The following PIK3CD variants were observed in gnomAD, a reference collection of about 807,000 sequenced individuals.
PIK3CD encodes the protein phosphatidylinositol 4,5-bisphosphate 3-kinase catalytic subunit delta isoform.
PIK3CD carries 20 observed loss-of-function variants against 122.9 expected under a neutral mutation model. The observed-to-expected ratio is 0.16, with a 90% CI of 0.11 to 0.24. The LOEUF is 0.24. Ranked by LOEUF, PIK3CD falls within the 10% of genes least tolerant of loss-of-function variation. The pLI is 1.00. For synonymous variants in PIK3CD, 596 were observed against 593.4 expected (o/e 1.00, Z -0.06); for missense variants, 787 against 1,406.3 (o/e 0.56, Z 7.04).
intron 1 of PIK3CD, among the ~76,000 whole-genome samples, chr1:9,678,894 C>T (rs949076586): frequency 6.6e-6 from 1 of 152,114 alleles, no homozygotes; most frequent in African/African-American, 2.4e-5. Context: ...GACTTTCCTG[C>T]GTCTTTGGGT....
At chr1:9,663,261 G>A (rs1436258359) in intron 1 of PIK3CD, among the ~76,000 whole-genome samples, 4 of 152,204 alleles carry the variant, frequency 2.6e-5, no homozygotes, top group African/African-American at 9.6e-5. Flanking sequence ...TGCCAGCCAT[G>A]TTCAGGGCCT....
rs931114660 is a variant in PIK3CD at position 9,677,868 on chromosome 1, G to A, written c.-137-13599G>A. Among the ~76,000 whole-genome samples the A allele has an allele frequency of 3.3e-5, 5 of 151,804 alleles. No homozygotes were observed. In the East Asian group the frequency reaches 5.8e-4, roughly 18 times the overall value. ...GGCAGAGTAAGAAAAAAAAGAATCT[G>A]GGCCGGGCGTGGTGGCTCATGCCTG... is the stretch of plus-strand genomic sequence containing the variant. On this transcript the variant is annotated intron_variant, in intron 1 of 23. Coordinates refer to ENST00000377346, the MANE Select transcript of PIK3CD (RefSeq NM_005026.5).
At chr1:9,684,916 C>G (rs1210172183) in intron 1 of PIK3CD, among the ~76,000 whole-genome samples, 1 of 147,634 alleles carries the variant, frequency 6.8e-6, no homozygotes, top group East Asian at 2.0e-4. Flanking sequence ...TTTTTTTTCT[C>G]TCTCTGCTTA....
rs1646138467 is a variant in PIK3CD, at chr1:9,689,963, C to G, written c.-137-1504C>G. Among the ~76,000 whole-genome samples, 2 of 152,188 alleles carry G rather than the reference C, an allele frequency of 1.3e-5. No individual in the cohort carries two copies. The highest frequency in any genetic ancestry group is 1.3e-4 in the Admixed American group (2 of 15,282). On this transcript the variant is annotated intron_variant, in intron 1 of 23. Coordinates refer to ENST00000377346, the MANE Select transcript of PIK3CD (RefSeq NM_005026.5). This position sits in a 1 kb window ranked among gnomAD's most constrained non-coding sequence, Gnocchi z 6.1. Reference sequence around the variant, plus strand: ...CTCTCCTCTCCTAATCTGGTTGCTTCCTTTTGTGCCCCCCGGGGGTCAGGA... The same window carrying G: ...CTCTCCTCTCCTAATCTGGTTGCTTGCTTTTGTGCCCCCCGGGGGTCAGGA...
At chr1:9,627,854 A>G in the PIK3CD span, among the ~76,000 whole-genome samples, 2 of 152,154 alleles carry the variant, frequency 1.3e-5, no homozygotes, top group Admixed American at 6.5e-5. Flanking sequence ...TCTTGTTTCT[A>G]GTTCCGCAGC....
chr1:9,721,214 G>C lies in PIK3CD; in HGVS notation c.1777G>C (p.Gly593Arg), dbSNP rs143068130. Residue 593 changes from glycine to arginine, a missense_variant, in exon 14 of 24, where the codon GGC becomes CGC. Around this residue, in one of 6 missense-constraint regions of PIK3CD, gnomAD observed 592 missense variants for 920.6 expected, o/e 0.64. Coordinates refer to ENST00000377346, the MANE Select transcript of PIK3CD (RefSeq NM_005026.5). The part of the protein sequence containing the change: ...LDFSFPDCHV[G>R]SFAIKSLRKL... ...CTTCAGCTTCCCCGATTGCCACGTA[G>C]GCTCCTTCGCCATCAAGTCGCTGCG... 2.4e-4 allele frequency: 388 copies of C among 1,613,342 alleles called. No individual in the cohort carries two copies. The highest frequency in any genetic ancestry group is 3.0e-4 in the Non-Finnish European group (353 of 1,180,006).
At chr1:9,684,230 G>A (rs530901661) in intron 1 of PIK3CD, among the ~76,000 whole-genome samples, 89 of 152,196 alleles carry the variant, frequency 5.8e-4, no homozygotes, top group Admixed American at 1.2e-3. Flanking sequence ...CTTTTTGGCT[G>A]ATACTTGAAA....
intron 2 of PIK3CD, among the ~76,000 whole-genome samples, chr1:9,701,470 A>C (rs2100634566): frequency 6.6e-6 from 1 of 152,244 alleles, no homozygotes; most frequent in South Asian, 2.1e-4. Context: ...TCAGGGGTTC[A>C]GGACCAGCCT....
chr1:9,720,818 A>C lies in PIK3CD; in HGVS notation c.1598A>C (p.Lys533Thr). The part of the protein sequence containing the change: ...LYEHEKDLVW[K>T]LRHEVQEHFP... ...GAGCACGAGAAGGACCTGGTGTGGA[A>C]GCTGCGGCATGAAGTCCAGGAGCAC... Residue 533 changes from lysine (K) to threonine (T), a missense_variant, in exon 13 of 24, where the codon AAG becomes ACG. Transcript: ENST00000377346. The surrounding 1 kb of genome is among the most constrained non-coding windows in gnomAD (Gnocchi z 9.0). 3.1e-6 allele frequency: 5 copies of C among 1,613,118 alleles called. No individual in the cohort carries two copies. The highest frequency in any genetic ancestry group is 4.2e-6 in the Non-Finnish European group (5 of 1,179,774).
chr1:9,703,678 G>A (rs749993373), intron 2 of PIK3CD, among the ~76,000 whole-genome samples: 14 of 152,122 alleles, frequency 9.2e-5, no homozygotes, highest in Non-Finnish European at 2.1e-4. Flanking sequence ...CTGTTGTGTG[G>A]ACTTGTAGAC....
At chr1:9,657,588 G>A (rs1283970154) in intron 1 of PIK3CD, among the ~76,000 whole-genome samples, 3 of 151,954 alleles carry the variant, frequency 2.0e-5, no homozygotes, top group African/African-American at 7.3e-5. Context: ...GGGGTCCCAG[G>A]AGCAGAAAAC....
In PIK3CD at chr1:9,715,489, C is replaced by T; in HGVS notation, c.142-52C>T. 6.5e-7 allele frequency: 1 copy of T among 1,540,874 alleles called. No homozygotes were observed. The highest frequency in any genetic ancestry group is 8.9e-7 in the Non-Finnish European group (1 of 1,118,312). ...CTCTCCACCCTCCCTCAGCCTCCCA[C>T]CTCCCAGTGGCTGCCTTGGGTGGAG... is the stretch of plus-strand genomic sequence containing the variant. On this transcript the variant is annotated intron_variant, in intron 3 of 23. Transcript: ENST00000377346. This position sits in a 1 kb window ranked among gnomAD's most constrained non-coding sequence, Gnocchi z 4.1.
chr1:9,646,983 C>T (rs1274305121), upstream of PIK3CD, among the ~76,000 whole-genome samples: 8 of 149,414 alleles, frequency 5.4e-5, no homozygotes, highest in African/African-American at 1.7e-4. Flanking sequence ...TGGTGGCGGG[C>T]GCCTGTAGTC....
rs550502061 is a variant in PIK3CD, at chr1:9,717,290, G to C, written c.930+182G>C. Among the ~76,000 whole-genome samples the C allele has an allele frequency of 2.6e-5, 4 of 152,324 alleles. No individual in the cohort carries two copies. Among genetic ancestry groups the C allele is most frequent in the Admixed American group, 1.3e-4 (2 of 15,298 alleles). ...GGGGGCCTGTGGGACTGCCGTGGGT[G>C]GGGGGCAGCCCCATGCCTGGCTCAC... On this transcript the variant is annotated intron_variant, in intron 7 of 23. Transcript: ENST00000377346. The surrounding 1 kb of genome is among the most constrained non-coding windows in gnomAD (Gnocchi z 5.4).
chr1:9,683,503 G>T (rs1276366935), intron 1 of PIK3CD, among the ~76,000 whole-genome samples: 1 of 152,138 alleles, frequency 6.6e-6, no homozygotes, highest in East Asian at 1.9e-4. Flanking sequence ...TTATAGCAGT[G>T]GGACAACTTG....
rs1648386604 is a variant in PIK3CD, at chr1:9,720,564, G to A, written c.1471-47G>A. 1.3e-6 allele frequency: 2 copies of A among 1,549,286 alleles called. No homozygotes were observed. Among genetic ancestry groups the A allele is most frequent in the Admixed American group, 3.9e-5 (2 of 50,896 alleles). On this transcript the variant is annotated intron_variant, in intron 11 of 23. Transcript: ENST00000377346. The surrounding 1 kb of genome is among the most constrained non-coding windows in gnomAD (Gnocchi z 9.0). ...ATGCCCGGCCTGGGGGTCCTGCCCGGGCTGGTCCAGGCCCCTGGGGACGCT... is the reference window on the plus strand; with the variant it reads ...ATGCCCGGCCTGGGGGTCCTGCCCGAGCTGGTCCAGGCCCCTGGGGACGCT...
intron 1 of PIK3CD, among the ~76,000 whole-genome samples, chr1:9,655,697 C>CTTTTTTTTT (rs576002642): frequency 5.0e-5 from 6 of 120,762 alleles, no homozygotes; most frequent in African/African-American, 2.0e-4. Flanking sequence ...CTTTTTTCTT[C>CTTTTTTTTT]TTTTTTTTTT....
upstream of PIK3CD, among the ~76,000 whole-genome samples, chr1:9,648,827 C>T (rs1244136946): frequency 4.6e-5 from 7 of 152,228 alleles, no homozygotes; most frequent in East Asian, 7.7e-4. Flanking sequence ...CCAGGCCGGG[C>T]GCAGTGGCTT....
At position 9,723,549 on chromosome 1, in the gene PIK3CD, C is replaced by T. The variant is rs557960119; in HGVS notation, c.2594+257C>T. Among the ~76,000 whole-genome samples the T allele has an allele frequency of 6.6e-6, 1 of 152,330 alleles. No individual in the cohort carries two copies. The highest frequency in any genetic ancestry group is 2.1e-4 in the South Asian group (1 of 4,832). ...AGCCATTTACGATTGGCTCACAGAT[C>T]TGCAGCTGGGGCTGGGCTCAGCCGG... On this transcript the variant is annotated intron_variant, in intron 20 of 23. Coordinates refer to ENST00000377346, the MANE Select transcript of PIK3CD (RefSeq NM_005026.5). The surrounding 1 kb of genome is among the most constrained non-coding windows in gnomAD (Gnocchi z 4.9).
Sources: gnomAD v4.1 joint callset for allele counts (sites outside exome capture counted in the v4.1 genomes callset) on GRCh38, gnomAD v4.1.1 for gene constraint, gnomAD v4.1.1 regional missense constraint, Gnocchi (gnomAD v3.1) non-coding constraint, MANE v1.5 for transcripts, NCBI Gene and HGNC (gene_info 2026-07-23, HGNC 2026-07-21) for gene names.